The following VAC14 variants were observed in gnomAD, a reference collection of about 807,000 sequenced individuals.
VAC14 encodes the protein VAC14 component of PIKFYVE complex.
In VAC14, 47 loss-of-function variants were observed where a neutral mutation model predicts 85.3. The observed-to-expected ratio is 0.55, with a 90% CI of 0.44 to 0.70. The LOEUF (loss-of-function observed/expected upper bound fraction) is 0.70, where lower values mean the gene tolerates loss of function less well. Ranked by LOEUF, VAC14 falls within the 30% of genes least tolerant of loss-of-function variation. The probability of loss-of-function intolerance (pLI) is 0.00; values close to 1 mark genes in which losing one functional copy is unlikely to be tolerated. For missense variants in VAC14, 861 were observed against 1,004.3 expected (o/e 0.86, Z 1.93); for synonymous variants, 447 against 430.5 (o/e 1.04, Z -0.47).
In VAC14 at chr16:70,762,193, T is replaced by C. The variant is rs1458412604; in HGVS notation, c.1371+347A>G. On this transcript the variant is annotated intron_variant, in intron 12 of 18. Coordinates refer to ENST00000261776, the MANE Select transcript of VAC14 (RefSeq NM_018052.5). This position sits in a 1 kb window ranked among gnomAD's most constrained non-coding sequence, Gnocchi z 4.1. ...CACGATCTCTGCTCACTGCAACCTC[T>C]GCCTCCTGGGTTCAAGCAATTCTCC... is the stretch of plus-strand genomic sequence containing the variant. Among the ~76,000 whole-genome samples the C allele has an allele frequency of 2.6e-5, 4 of 152,218 alleles. No individual in the cohort carries two copies. The East Asian group carries it at 7.7e-4, about 29-fold the overall frequency.
chr16:70,768,859 G>A (rs1448943289), intron 10 of VAC14: 3 of 452,548 alleles, frequency 6.6e-6, no homozygotes, highest in African/African-American at 4.0e-5. Flanking sequence ...AGAGTGCAGT[G>A]GCGCGATCTC....
intron 1 of VAC14, among the ~76,000 whole-genome samples, chr16:70,794,902 C>G (rs2034480065): frequency 6.6e-6 from 1 of 152,352 alleles, no homozygotes; most frequent in East Asian, 1.9e-4. Context: ...TGGTCAACAA[C>G]AGACTGCATA....
intron 14 of VAC14, among the ~76,000 whole-genome samples, chr16:70,700,789 G>A (rs1399032204): frequency 6.6e-6 from 1 of 152,208 alleles, no homozygotes; most frequent in African/African-American, 2.4e-5. Flanking sequence ...ACAGGAGGAA[G>A]GGGGGCGTTC....
rs773000390 is a variant in VAC14 at position 70,688,103 on chromosome 16, A to G, written c.2187-13T>C. 5 of 1,541,864 alleles carry G rather than the reference A, an allele frequency of 3.2e-6. No homozygotes were observed. The highest frequency in any genetic ancestry group is 4.9e-5 in the East Asian group (2 of 40,928). On this transcript the variant is annotated splice_polypyrimidine_tract_variant and intron_variant, in intron 18 of 18. Transcript: ENST00000261776. ...CTTTAGACTGTCTCTGGGAAGAGGGAGCAGAAATGCTCAGTGTCAGGGATC... is the reference window on the plus strand; with the variant it reads ...CTTTAGACTGTCTCTGGGAAGAGGGGGCAGAAATGCTCAGTGTCAGGGATC...
rs753438305 is a variant in VAC14 at position 70,731,478 on chromosome 16, G to A, written c.1661+17C>T. The A allele has an allele frequency of 9.3e-6, 15 of 1,608,092 alleles. No homozygotes were observed. Among genetic ancestry groups the A allele is most frequent in the Non-Finnish European group, 1.3e-5 (15 of 1,177,290 alleles). On this transcript the variant is annotated intron_variant, in intron 14 of 18. Coordinates refer to ENST00000261776, the MANE Select transcript of VAC14 (RefSeq NM_018052.5). ...GGCCGTGGGAGGAAGAGGAGAAAGCGCGCCGCCAAGGCTGACCTGATGATG... is the reference window on the plus strand; with the variant it reads ...GGCCGTGGGAGGAAGAGGAGAAAGCACGCCGCCAAGGCTGACCTGATGATG...
intron 1 of VAC14, among the ~76,000 whole-genome samples, chr16:70,792,340 G>C (rs1255783875): frequency 1.3e-5 from 2 of 152,194 alleles, no homozygotes; most frequent in Non-Finnish European, 2.9e-5. Flanking sequence ...GGCTGAACTA[G>C]TTTTGAAGTT....
chr16:70,763,163 A>T (rs939372802), intron 10 of VAC14, 138 bp from the exon 11 acceptor site: 17 of 1,251,882 alleles, frequency 1.4e-5, no homozygotes, highest in Non-Finnish European at 1.9e-5. Context: ...GGGGTCAGGG[A>T]TAACCTGATC....
chr16:70,750,079 A>G (rs2031253009), intron 12 of VAC14, among the ~76,000 whole-genome samples: 1 of 152,144 alleles, frequency 6.6e-6, no homozygotes, highest in Admixed American at 6.5e-5. Context: ...TCTGGAGGAG[A>G]AGGCGATCTC....
At chr16:70,737,956 C>T (rs1026489285) in intron 13 of VAC14, among the ~76,000 whole-genome samples, 2 of 152,184 alleles carry the variant, frequency 1.3e-5, no homozygotes, top group South Asian at 2.1e-4. Flanking sequence ...CCGGACAGCC[C>T]GTTGTGGGCT....
intron 18 of VAC14, chr16:70,688,818 C>T (rs954221291): frequency 1.5e-4 from 143 of 985,506 alleles, no homozygotes; most frequent in South Asian, 1.9e-4. Context: ...TTGCCCCTGG[C>T]GATGAGATCC....
intron 14 of VAC14, among the ~76,000 whole-genome samples, chr16:70,713,391 C>T (rs2054079009): frequency 6.6e-6 from 1 of 152,248 alleles, no homozygotes; most frequent in Non-Finnish European, 1.5e-5. Flanking sequence ...CCCTGAAGAC[C>T]ACCATTCTGG....
intron 16 of VAC14, chr16:70,696,933 C>T (rs2053724080): frequency 1.9e-6 from 1 of 518,366 alleles, no homozygotes; most frequent in Non-Finnish European, 3.5e-6. Flanking sequence ...CTCCAAGAGC[C>T]CCTCTTTGCT....
intron 18 of VAC14, chr16:70,689,866 G>C: frequency 1.0e-6 from 1 of 985,524 alleles, no homozygotes; most frequent in Non-Finnish European, 1.2e-6. Context: ...GAGCAGCTTG[G>C]ACTTCTAAGG....
intron 7 of VAC14, 137 bp downstream of exon 7, chr16:70,782,896 G>T: frequency 1.2e-6 from 1 of 818,788 alleles, no homozygotes; most frequent in Non-Finnish European, 2.0e-6. Context: ...AGGGCCCACT[G>T]TCACACTGGC....
chr16:70,755,878 C>T, intron 12 of VAC14: 2 of 391,996 alleles, frequency 5.1e-6, no homozygotes, highest in Non-Finnish European at 1.0e-5. Flanking sequence ...AGAGAGCAGC[C>T]CCAGCCACCT....
chr16:70,691,921 G>A (rs889518130), intron 18 of VAC14: 1 of 985,302 alleles, frequency 1.0e-6, no homozygotes, highest in Non-Finnish European at 1.2e-6. Context: ...CTGGAGCAAG[G>A]CGCCAGGCCT....
At position 70,715,891 on chromosome 16, in the gene VAC14, C is replaced by T. The variant is rs188172861; in HGVS notation, c.1661+15604G>A. The T allele has an allele frequency of 9.8e-3, 1,490 of 152,344 alleles. 8 individuals are homozygous for T. Among genetic ancestry groups the T allele is most frequent in the Non-Finnish European group, 0.015 (998 of 68,034 alleles). The allele number at this position is 152,344 out of a possible 1,614,324, so 9.4% of individuals were successfully genotyped here. On this transcript the variant is annotated intron_variant, in intron 14 of 18. Transcript: ENST00000261776. Reference sequence around the variant, plus strand: ...GGGAAAAAGAAAATCCCAAATCCCACCCCCTTGTTTTTCCTCAGTAAGCAT... The same window carrying T: ...GGGAAAAAGAAAATCCCAAATCCCATCCCCTTGTTTTTCCTCAGTAAGCAT...
chr16:70,761,002 TGTGTGTGTGTGTGTGTGCATGGGGGG>T (rs1200787001), intron 12 of VAC14, among the ~76,000 whole-genome samples: 2 of 115,172 alleles, frequency 1.7e-5, no homozygotes, highest in East Asian at 2.3e-4. Flanking sequence ...TGTGTGTGTG[TGTGTGTGTGTGTGTGTGCATGGGGGG>T]GCGGGGGGTA....
intron 1 of VAC14, among the ~76,000 whole-genome samples, chr16:70,793,217 T>C (rs1223637436): frequency 6.6e-6 from 1 of 152,134 alleles, no homozygotes; most frequent in African/African-American, 2.4e-5. Context: ...GGTGCCTACT[T>C]GAGATGTTTT....
Sources: allele counts gnomAD v4.1 joint callset (sites outside exome capture counted in the v4.1 genomes callset), GRCh38; gene constraint gnomAD v4.1.1; non-coding constraint Gnocchi (gnomAD v3.1); transcripts MANE v1.5; gene names NCBI Gene and HGNC (gene_info 2026-07-23, HGNC 2026-07-21).